The following DCTN4 variants were observed in gnomAD, a reference collection of about 807,000 sequenced individuals.
DCTN4 encodes dynactin 4 (p62).
Under a neutral mutation model 62.7 loss-of-function variants are expected in DCTN4, and 23 were observed. That is an observed-to-expected ratio of 0.37 (90% CI 0.26 to 0.52). The LOEUF (loss-of-function observed/expected upper bound fraction) is 0.52, where lower values mean the gene tolerates loss of function less well. DCTN4 is among the 20% of genes least tolerant of loss of function. The probability of loss-of-function intolerance (pLI) is 0.92; values close to 1 mark genes in which losing one functional copy is unlikely to be tolerated. For synonymous variants in DCTN4, 199 were observed against 202.1 expected, an observed-to-expected ratio of 0.98 and a Z score of 0.13; for missense variants, 514 against 580.4, an observed-to-expected ratio of 0.89 and a Z score of 1.18.
chr5:150,731,459 G>C lies in DCTN4; in HGVS notation c.568C>G (p.Arg190Gly), dbSNP rs200481750. 1 of 1,613,690 alleles carries C rather than the reference G, an allele frequency of 6.2e-7. No individual in the cohort carries two copies. The highest frequency in any genetic ancestry group is 2.2e-5 in the East Asian group (1 of 44,874). ...DKYGLGTRLQ[R>G]PRAGASISTL... ...CTGATGGATGCACCAGCTCGTGGTC[G>C]CTGAAGCCTGGTTCCAAGACCATAT... The change falls in exon 6 of 13, where the codon CGA becomes GGA. Residue 190 changes from arginine (R) to glycine (G), a missense_variant. Arg to Gly is a moderately radical substitution (Grantham distance 125). Transcript: ENST00000447998.
intron 4 of DCTN4, among the ~76,000 whole-genome samples, chr5:150,739,863 T>C (rs1002315275): frequency 8.5e-5 from 13 of 152,248 alleles, no homozygotes; most frequent in Middle Eastern, 3.4e-3. Flanking sequence ...GCTGGGATAA[T>C]TGGCAACCTA....
chr5:150,746,738 G>A (rs1354341412), intron 3 of DCTN4, among the ~76,000 whole-genome samples: 1 of 152,044 alleles, frequency 6.6e-6, no homozygotes, highest in Non-Finnish European at 1.5e-5. Context: ...AAATTCAACA[G>A]CCCTTCATGC....
chr5:150,747,469 C>T (rs1199749805), intron 3 of DCTN4, among the ~76,000 whole-genome samples: 2 of 152,278 alleles, frequency 1.3e-5, no homozygotes, highest in Middle Eastern at 6.8e-3. Context: ...TAAAAAAGAG[C>T]CCGCATTGCC....
intron 4 of DCTN4, among the ~76,000 whole-genome samples, chr5:150,739,699 C>T (rs1044363021): frequency 6.6e-6 from 1 of 152,078 alleles, no homozygotes; most frequent in Non-Finnish European, 1.5e-5. Flanking sequence ...CTATAGTCAC[C>T]AACGCAGCAT....
chr5:150,739,162 CAG>C lies in DCTN4; in HGVS notation c.429+2950_429+2951del, dbSNP rs376623511. 5.7e-3 allele frequency among the ~76,000 whole-genome samples: 810 copies of C among 142,422 alleles called. 2 individuals are homozygous for C. Among genetic ancestry groups the C allele is most frequent in the African/African-American group, 0.02 (774 of 38,116 alleles). The allele number at this position is 142,422 out of a possible 152,430, so 93.4% of individuals were successfully genotyped here. ...CACCATTGCACTCCAGTCTGGCTGA[CAG>C]AGAGAGATTTCATCTCAAAAAAAAA... On this transcript the variant is annotated intron_variant, in intron 4 of 12. Coordinates refer to ENST00000447998, the MANE Select transcript of DCTN4 (RefSeq NM_016221.4).
chr5:150,744,061 AT>A, intron 3 of DCTN4, among the ~76,000 whole-genome samples: 1 of 152,348 alleles, frequency 6.6e-6, no homozygotes, highest in East Asian at 1.9e-4. Context: ...AGACGAATGT[AT>A]AACTAGAATA....
At chr5:150,743,255 T>C (rs1039022207) in intron 3 of DCTN4, 5 of 157,066 alleles carry the variant, frequency 3.2e-5, no homozygotes, top group Non-Finnish European at 6.9e-5. Context: ...AACTGCAAGG[T>C]GGCAGTGAGG....
rs747384247 is a variant in DCTN4 at position 150,758,988 on chromosome 5, C to G, written c.6G>C (p.Ala2=). The change falls in exon 1 of 13, where the codon GCG becomes GCC. Residue 2 remains alanine (A), a synonymous_variant. Coordinates refer to ENST00000447998, the MANE Select transcript of DCTN4 (RefSeq NM_016221.4). ...GAACCCGGTCCGACTGCAGCAAGGA[C>G]GCCATCTTGGGGAGGGAGGAGGCGA... The part of the protein sequence containing the change: M[A]SLLQSDRVLY... The G allele has an allele frequency of 1.2e-6, 2 of 1,613,810 alleles. No individual in the cohort carries two copies. The highest frequency in any genetic ancestry group is 1.3e-5 in the African/African-American group (1 of 74,896).
At chr5:150,745,790 C>A (rs918108403) in intron 3 of DCTN4, among the ~76,000 whole-genome samples, 4 of 151,818 alleles carry the variant, frequency 2.6e-5, no homozygotes, top group Non-Finnish European at 5.9e-5. Flanking sequence ...ACATTCAAAG[C>A]AGTGTGTAGA....
At chr5:150,720,878 G>A (rs1021203784) in intron 9 of DCTN4, among the ~76,000 whole-genome samples, 1 of 152,168 alleles carries the variant, frequency 6.6e-6, no homozygotes, top group East Asian at 1.9e-4. Context: ...CTAAGTACAG[G>A]CTGCCATTCA....
At chr5:150,719,006 G>A (rs1187558054) in intron 10 of DCTN4, among the ~76,000 whole-genome samples, 1 of 152,022 alleles carries the variant, frequency 6.6e-6, no homozygotes, top group Non-Finnish European at 1.5e-5. Context: ...TTTTTGTAGA[G>A]ATGGGGTTTC....
chr5:150,710,647 T>C lies in DCTN4; in HGVS notation c.*502A>G, dbSNP rs1236396488. 1 of 154,532 alleles carries C rather than the reference T, an allele frequency of 6.5e-6. No individual in the cohort carries two copies. The highest frequency in any genetic ancestry group is 1.9e-4 in the East Asian group (1 of 5,368). The allele number at this position is 154,532 out of a possible 1,614,324, so 9.6% of individuals were successfully genotyped here. A position where few individuals can be genotyped will look rare whatever the true frequency, so the allele number is the denominator to read the frequency against. ...GAAATCTATGGCAAAATGGCAGCCA[T>C]TATGGCAATGAAGGGATATGTTTTA... On this transcript the variant is annotated 3_prime_UTR_variant, in exon 13 of 13. Transcript: ENST00000447998.
chr5:150,720,904 G>A (rs1349290590), intron 9 of DCTN4, among the ~76,000 whole-genome samples: 1 of 152,198 alleles, frequency 6.6e-6, no homozygotes, highest in Non-Finnish European at 1.5e-5. Context: ...TCTGTAATGA[G>A]TATAATTCTT....
intron 3 of DCTN4, among the ~76,000 whole-genome samples, chr5:150,752,581 T>G (rs1401629636): frequency 6.6e-6 from 1 of 152,208 alleles, no homozygotes; most frequent in Admixed American, 6.5e-5. Flanking sequence ...ACTATTCTCC[T>G]ATGTTCTAGC....
chr5:150,731,883 T>TA (rs761240882), intron 5 of DCTN4: 2 of 1,551,488 alleles, frequency 1.3e-6, no homozygotes, highest in East Asian at 2.4e-5. Flanking sequence ...AAGGAGAACT[T>TA]ACCACTACAT....
At chr5:150,720,975 G>A (rs1033112508) in intron 9 of DCTN4, among the ~76,000 whole-genome samples, 2 of 152,194 alleles carry the variant, frequency 1.3e-5, no homozygotes, top group Non-Finnish European at 2.9e-5. Flanking sequence ...AACCAATCAT[G>A]TATTAAGAGT....
Position 150,712,417 on chromosome 5 carries a change from A to G in DCTN4, c.1170-1055T>C, listed in dbSNP as rs541701516. 6.7e-4 allele frequency among the ~76,000 whole-genome samples: 101 copies of G among 151,194 alleles called. No individual in the cohort carries two copies. The South Asian group carries it at 0.02, about 30-fold the overall frequency. On this transcript the variant is annotated intron_variant, in intron 12 of 12. Coordinates refer to ENST00000447998, the MANE Select transcript of DCTN4 (RefSeq NM_016221.4). ...AGTGCTGGGATCACAAGCATAAGCC[A>G]ATGCACCCGGCCTTATTTTTATTTT...
intron 4 of DCTN4, among the ~76,000 whole-genome samples, chr5:150,740,904 G>T (rs1430927915): frequency 6.6e-6 from 1 of 152,164 alleles, no homozygotes; most frequent in Non-Finnish European, 1.5e-5. Flanking sequence ...CAGGGGGAAA[G>T]CTGGGAAGGG....
chr5:150,726,449 A>G (rs1207213519), intron 8 of DCTN4, among the ~76,000 whole-genome samples: 1 of 152,190 alleles, frequency 6.6e-6, no homozygotes, highest in Non-Finnish European at 1.5e-5. Context: ...AACTTCTCAT[A>G]AATTTCTCAT....
Sources: gnomAD v4.1 joint callset for allele counts (sites outside exome capture counted in the v4.1 genomes callset) on GRCh38, gnomAD v4.1.1 for gene constraint, MANE v1.5 for transcripts, NCBI Gene and HGNC (gene_info 2026-07-23, HGNC 2026-07-21) for gene names.